The following FRRS1 variants were observed in gnomAD, a reference collection of about 807,000 sequenced individuals.
The protein encoded by FRRS1 is ferric chelate reductase 1.
Under a neutral mutation model 70.7 loss-of-function variants are expected in FRRS1, and 51 were observed. The observed-to-expected ratio is 0.72, with a 90% CI of 0.58 to 0.91. FRRS1 has a LOEUF of 0.91. Among genes scored for constraint, FRRS1 ranks in the 40% least tolerant of loss-of-function variants. FRRS1 has a pLI of 0.00. For synonymous variants in FRRS1, 225 were observed against 238.7 expected (o/e 0.94, Z 0.53); for missense variants, 672 against 726.0 (o/e 0.93, Z 0.86).
intron 10 of FRRS1, 107 bp downstream of exon 10, chr1:99,719,427 A>AAAT: frequency 1.6e-6 from 1 of 629,968 alleles, no homozygotes; most frequent in South Asian, 1.8e-5. Flanking sequence ...AAAAAAAAAA[A>AAAT]TGCTTTATAA....
chr1:99,750,190 A>G (rs1374865021), intron 1 of FRRS1, among the ~76,000 whole-genome samples: 1 of 152,156 alleles, frequency 6.6e-6, no homozygotes, highest in African/African-American at 2.4e-5. Context: ...GCGGTTGTGA[A>G]GTTCACACTC....
chr1:99,738,178 A>G lies in FRRS1; in HGVS notation c.667T>C (p.Ser223Pro). Residue 223 changes from serine to proline, a missense_variant, in exon 7 of 17, where the codon TCC (serine) becomes CCC (proline). By Grantham distance (74) the Ser-to-Pro change is moderately conservative. Coordinates refer to ENST00000646001, the MANE Select transcript of FRRS1 (RefSeq NM_001361041.2). ...ACCGATTGGTCATCTCTTGTGAAGG[A>G]CAAGAAGACACAGGAAGCCTCCTTC... is the stretch of plus-strand genomic sequence containing the variant. ...PEKEASCVFL[S>P]FTRDDQSVMV... 6.2e-7 allele frequency: 1 copy of G among 1,613,926 alleles called. No homozygotes were observed. The highest frequency in any genetic ancestry group is 8.5e-7 in the Non-Finnish European group (1 of 1,179,776).
At chr1:99,728,990 T>C (rs1175897384) in intron 8 of FRRS1, among the ~76,000 whole-genome samples, 1 of 152,210 alleles carries the variant, frequency 6.6e-6, no homozygotes, top group Non-Finnish European at 1.5e-5. Context: ...AGTACTACCC[T>C]AGTGGCCAAA....
At chr1:99,742,390 CTATTT>C (rs1330339665) in intron 4 of FRRS1, 117 bp from the exon 5 acceptor site, 2 of 645,454 alleles carry the variant, frequency 3.1e-6, no homozygotes, top group East Asian at 5.4e-5. Context: ...CTGGTGAAGA[CTATTT>C]TATTTAGAAG....
At chr1:99,718,241 C>T (rs937648707) in intron 10 of FRRS1, among the ~76,000 whole-genome samples, 1 of 152,110 alleles carries the variant, frequency 6.6e-6, no homozygotes, top group Non-Finnish European at 1.5e-5. Context: ...CTTTTAAATC[C>T]CATCTTTTTA....
intron 1 of FRRS1, among the ~76,000 whole-genome samples, chr1:99,750,677 G>GAAA (rs56815242): frequency 7.1e-6 from 1 of 140,546 alleles, no homozygotes; most frequent in Non-Finnish European, 1.6e-5. Context: ...AAACTGAAAA[G>GAAA]AAAAAAAAAA....
At position 99,728,481 on chromosome 1, in the gene FRRS1, C is replaced by A. The variant is rs1414425511; in HGVS notation, c.1006+12G>T. On this transcript the variant is annotated intron_variant, in intron 9 of 16. Transcript: ENST00000646001. ...AAAGACACTTGAAAAGACAGCTTAA[C>A]AATATACTTACCATCATTAGCTGCA... 1 of 1,596,608 alleles carries A rather than the reference C, an allele frequency of 6.3e-7. No homozygotes were observed. Among genetic ancestry groups the A allele is most frequent in the Non-Finnish European group, 8.6e-7 (1 of 1,168,206 alleles).
chr1:99,734,352 T>C (rs1655544544), intron 7 of FRRS1, among the ~76,000 whole-genome samples: 1 of 152,178 alleles, frequency 6.6e-6, no homozygotes, highest in South Asian at 2.1e-4. Flanking sequence ...AAGACACATG[T>C]TGAAAACCTT....
At chr1:99,730,402 C>A (rs1329979819) in intron 7 of FRRS1, among the ~76,000 whole-genome samples, 1 of 152,174 alleles carries the variant, frequency 6.6e-6, no homozygotes, top group African/African-American at 2.4e-5. Flanking sequence ...AGATCCTTAA[C>A]TCTGAAAGTT....
rs758727500 is a variant in FRRS1 at position 99,706,251 on chromosome 1, T to A, written c.*2777A>T. Among the ~76,000 whole-genome samples the A allele has an allele frequency of 5.3e-5, 8 of 151,524 alleles. No homozygotes were observed. Among genetic ancestry groups the A allele is most frequent in the Non-Finnish European group, 1.2e-4 (8 of 67,924 alleles). ...AAAAAAAAAAAAAATTTTTTTTTAA[T>A]TAGCTGGCTGTGGTGGTGCACGGAG... is the stretch of plus-strand genomic sequence containing the variant. On this transcript the variant is annotated 3_prime_UTR_variant, in exon 17 of 17. Coordinates refer to ENST00000646001, the MANE Select transcript of FRRS1 (RefSeq NM_001361041.2).
rs1040911816 is a variant in FRRS1, at chr1:99,719,631, G to A, written c.1023C>T (p.His341=). The part of the protein sequence containing the change: ...GAANDGRIYK[H]SQQPLITYEK... ...CATAGGTAATCAAAGGTTGCTGAGA[G>A]TGCTTGTAAATTCGACCTGCAAATT... is the stretch of plus-strand genomic sequence containing the variant. Residue 341 remains histidine, a synonymous_variant, in exon 10 of 17, where the codon CAC becomes CAT. Transcript: ENST00000646001. The A allele has an allele frequency of 8.8e-6, 14 of 1,598,502 alleles. No homozygotes were observed. Among genetic ancestry groups the A allele is most frequent in the Non-Finnish European group, 1.1e-5 (13 of 1,167,876 alleles).
chr1:99,753,537 G>A, intron 1 of FRRS1, among the ~76,000 whole-genome samples: 1 of 152,214 alleles, frequency 6.6e-6, no homozygotes, highest in South Asian at 2.1e-4. Context: ...GGAGGCTGAG[G>A]CGGGTGGATC....
intron 9 of FRRS1, among the ~76,000 whole-genome samples, chr1:99,726,104 TC>T (rs1362339149): frequency 6.6e-6 from 1 of 152,090 alleles, no homozygotes; most frequent in East Asian, 1.9e-4. Context: ...GGGGAACACT[TC>T]CCCCTTGCTG....
rs6577132 is a variant in FRRS1, at chr1:99,747,559, T to C, written c.197-129A>G. The C allele has an allele frequency of 0.38, 316,228 of 825,728 alleles. 69,882 individuals are homozygous for C. The highest frequency in any genetic ancestry group is 0.85 in the African/African-American group (49,342 of 58,012). 51.2% of individuals were successfully genotyped at this position (825,728 alleles called of 1,614,324 possible). On this transcript the variant is annotated intron_variant, in intron 3 of 16. Transcript: ENST00000646001. ...TACTCCTGGAGAGAAAACAGTCATC[T>C]TATAGGCAAAGAAGCTCTAAACTTT...
At chr1:99,726,775 T>C (rs1655095922) in intron 9 of FRRS1, among the ~76,000 whole-genome samples, 1 of 152,238 alleles carries the variant, frequency 6.6e-6, no homozygotes, top group African/African-American at 2.4e-5. Flanking sequence ...GGTGCAATCA[T>C]AGCTCACTGC....
chr1:99,756,356 TTTC>T (rs1460264048), intron 1 of FRRS1, among the ~76,000 whole-genome samples: 1 of 152,240 alleles, frequency 6.6e-6, no homozygotes, highest in Non-Finnish European at 1.5e-5. Context: ...TACAGTTTTC[TTTC>T]TTACCTGAAA....
Position 99,738,222 on chromosome 1 carries a change from G to C in FRRS1, c.623C>G (p.Pro208Arg), listed in dbSNP as rs368969522. 17 of 1,613,702 alleles carry C rather than the reference G, an allele frequency of 1.1e-5. 2 individuals are homozygous for C. In the Admixed American group the frequency reaches 1.7e-4, roughly 16 times the overall value. The change falls in exon 7 of 17, where the codon CCT becomes CGT. Residue 208 changes from proline (P) to arginine (R), a missense_variant. By Grantham distance (103) the Pro-to-Arg change is moderately radical. Transcript: ENST00000646001. ...CTCCTTCTCTGGGTCACAGTTCAAA[G>C]GACTCCTAATACAGAACTTCTTGTT... Reference protein sequence around the residue: ...CGNKKFCIRSPLNCDPEKEAS... With the variant: ...CGNKKFCIRSRLNCDPEKEAS...
chr1:99,747,453 G>A (rs1268008447), intron 3 of FRRS1, 23 bp from the exon 4 acceptor site: 3 of 1,601,636 alleles, frequency 1.9e-6, no homozygotes, highest in Non-Finnish European at 1.7e-6. Context: ...CAAAAGGGTT[G>A]GTTAAAAAGC....
At chr1:99,727,075 C>T (rs911359635) in intron 9 of FRRS1, among the ~76,000 whole-genome samples, 1 of 152,128 alleles carries the variant, frequency 6.6e-6, no homozygotes, top group Non-Finnish European at 1.5e-5. Flanking sequence ...CCAACTGCAC[C>T]GTTTACTTGT....
Sources: allele counts gnomAD v4.1 joint callset (sites outside exome capture counted in the v4.1 genomes callset), GRCh38; gene constraint gnomAD v4.1.1; transcripts MANE v1.5; gene names NCBI Gene and HGNC (gene_info 2026-07-23, HGNC 2026-07-21).